Variants in CDH23 observed in about 807,000 individuals in gnomAD.
CDH23 encodes the protein cadherin-23.
A neutral mutation model predicts 317.1 loss-of-function variants in CDH23; 189 were observed. That is an observed-to-expected ratio of 0.60 (90% CI 0.53 to 0.67). CDH23 has a LOEUF of 0.67. Among genes scored for constraint, CDH23 ranks in the 30% least tolerant of loss-of-function variants. The pLI, the probability that CDH23 is intolerant of heterozygous loss-of-function variation, is 0.00. For missense variants in CDH23, 4,401 were observed against 4,592.4 expected, an observed-to-expected ratio of 0.96 and a Z score of 1.20; for synonymous variants, 1,839 against 1,876.8, an observed-to-expected ratio of 0.98 and a Z score of 0.52.
At chr10:71,585,695 C>T (rs1859005246) in intron 9 of CDH23, among the ~76,000 whole-genome samples, 2 of 152,236 alleles carry the variant, frequency 1.3e-5, no homozygotes, top group Admixed American at 1.3e-4. Flanking sequence ...CTTCTTCCTT[C>T]CCCCTGATCT....
At chr10:71,541,281 T>C (rs971976152) in intron 6 of CDH23, among the ~76,000 whole-genome samples, 1 of 152,230 alleles carries the variant, frequency 6.6e-6, no homozygotes, top group African/African-American at 2.4e-5. Context: ...ACGCAGCAAT[T>C]ACCCGCTCTG....
intron 3 of CDH23, among the ~76,000 whole-genome samples, chr10:71,462,286 C>T (rs939594460): frequency 6.6e-6 from 1 of 152,214 alleles, no homozygotes; most frequent in Non-Finnish European, 1.5e-5. Flanking sequence ...TTACTCCTGA[C>T]GGCCTTCATT....
chr10:71,628,312 G>T (rs1861844489), intron 11 of CDH23, among the ~76,000 whole-genome samples: 1 of 152,160 alleles, frequency 6.6e-6, no homozygotes, highest in Admixed American at 6.5e-5. Context: ...CCCCGAAAGG[G>T]GAGAATAGTG....
chr10:71,436,318 G>C (rs1169769760), intron 1 of CDH23, among the ~76,000 whole-genome samples: 1 of 152,268 alleles, frequency 6.6e-6, no homozygotes, highest in Non-Finnish European at 1.5e-5. Context: ...AGTGTGCCTG[G>C]CAGTGTTGGA....
Position 71,738,526 on chromosome 10 carries a change from A to T in CDH23, c.4238A>T (p.Asp1413Val). ...KVYITVLDENDNSPRFDFTSD... is the reference protein window; with the variant it reads ...KVYITVLDENVNSPRFDFTSD... ...TACATCACTGTGCTGGACGAGAATG[A>T]CAACAGCCCCCGGTTTGACTTCACC... Residue 1413 changes from aspartate to valine, a missense_variant, in exon 35 of 70, where the codon GAC (aspartate) becomes GTC (valine). By Grantham distance (152) the Asp-to-Val change is radical. Coordinates refer to ENST00000224721, the MANE Select transcript of CDH23 (RefSeq NM_022124.6). 6.2e-7 allele frequency: 1 copy of T among 1,613,978 alleles called. No individual in the cohort carries two copies. Among genetic ancestry groups the T allele is most frequent in the Non-Finnish European group, 8.5e-7 (1 of 1,179,900 alleles).
intron 24 of CDH23, among the ~76,000 whole-genome samples, chr10:71,703,269 C>A (rs756742698): frequency 2.2e-4 from 33 of 152,170 alleles, no homozygotes; most frequent in Non-Finnish European, 4.6e-4. Flanking sequence ...GTTTCAAGTC[C>A]TTTCAACACC....
At chr10:71,747,216 C>T (rs1259651645) in intron 38 of CDH23, among the ~76,000 whole-genome samples, 1 of 152,206 alleles carries the variant, frequency 6.6e-6, no homozygotes, top group Non-Finnish European at 1.5e-5. Flanking sequence ...TCCCCATCCC[C>T]TAATGCAAGC....
At chr10:71,652,295 C>T (rs1863212371) in intron 14 of CDH23, among the ~76,000 whole-genome samples, 1 of 152,228 alleles carries the variant, frequency 6.6e-6, no homozygotes, top group Non-Finnish European at 1.5e-5. Flanking sequence ...GGCAGGGCCA[C>T]AAGACATCCA....
intron 1 of CDH23, among the ~76,000 whole-genome samples, chr10:71,407,896 A>G (rs1025645552): frequency 6.6e-6 from 1 of 152,132 alleles, no homozygotes; most frequent in Non-Finnish European, 1.5e-5. Context: ...AAAATAGGGG[A>G]AAAATCCCCT....
At chr10:71,727,766 A>G (rs1052900866) in intron 30 of CDH23, among the ~76,000 whole-genome samples, 3 of 152,220 alleles carry the variant, frequency 2.0e-5, no homozygotes, top group Non-Finnish European at 4.4e-5. Context: ...AAAGCACTGC[A>G]CTGGCACAGC....
intron 3 of CDH23, among the ~76,000 whole-genome samples, chr10:71,466,179 G>A (rs566040138): frequency 1.4e-4 from 21 of 152,330 alleles, no homozygotes; most frequent in East Asian, 5.8e-4. Flanking sequence ...GTATGTGCCC[G>A]TCTGTGTGTG....
rs769234595 is a variant in CDH23 at position 71,815,025 on chromosome 10, A to G, written c.9812A>G (p.Lys3271Arg). 1.9e-6 allele frequency: 3 copies of G among 1,612,614 alleles called. No homozygotes were observed. The African/African-American group carries it at 4.0e-5, about 22-fold the overall frequency. ...PGQGSLRFRH[K>R]PPVELKGPDG... ...CAGGGTAGCCTGCGCTTCCGCCACAAGCCACCAGTGGAGCTCAAGGGGCCC... is the reference window on the plus strand; with the variant it reads ...CAGGGTAGCCTGCGCTTCCGCCACAGGCCACCAGTGGAGCTCAAGGGGCCC... Residue 3271 changes from lysine to arginine, a missense_variant, in exon 70 of 70, where the codon AAG (lysine) becomes AGG (arginine). Lys to Arg is a conservative substitution (Grantham distance 26, BLOSUM62 2). Coordinates refer to ENST00000224721, the MANE Select transcript of CDH23 (RefSeq NM_022124.6).
At position 71,572,193 on chromosome 10, in the gene CDH23, G is replaced by A. The variant is rs541108134; in HGVS notation, c.753+1275G>A. Reference sequence around the variant, plus strand: ...CCAGCCTTCTCTTTCTTAGCATTCCGTGGGCAGTGGGAGCCCCTGCTTTTG... The same window carrying A: ...CCAGCCTTCTCTTTCTTAGCATTCCATGGGCAGTGGGAGCCCCTGCTTTTG... On this transcript the variant is annotated intron_variant, in intron 8 of 69. Transcript: ENST00000224721. Among the ~76,000 whole-genome samples the A allele has an allele frequency of 2.0e-4, 31 of 152,326 alleles. No homozygotes were observed. In the South Asian group the frequency reaches 2.9e-3, roughly 14 times the overall value.
intron 10 of CDH23, among the ~76,000 whole-genome samples, chr10:71,616,749 C>T (rs1395034933): frequency 6.6e-6 from 1 of 152,240 alleles, no homozygotes; most frequent in Non-Finnish European, 1.5e-5. Context: ...TCCATCTGTG[C>T]TGACCCTCAG....
chr10:71,569,112 G>A (rs1368739085), intron 7 of CDH23, among the ~76,000 whole-genome samples: 2 of 152,208 alleles, frequency 1.3e-5, no homozygotes, highest in Admixed American at 6.5e-5. Context: ...CATGGGCAGT[G>A]CCCAAGCCTG....
chr10:71,706,131 C>T (rs952925177), intron 25 of CDH23, among the ~76,000 whole-genome samples: 1 of 152,106 alleles, frequency 6.6e-6, no homozygotes, highest in African/African-American at 2.4e-5. Flanking sequence ...ATCAAATGGG[C>T]CCAGGATCTC....
At chr10:71,675,256 T>C in intron 15 of CDH23, 80 bp downstream of exon 15, 4 of 1,239,960 alleles carry the variant, frequency 3.2e-6, no homozygotes, top group Non-Finnish European at 4.7e-6. Context: ...CTGGGAACTT[T>C]TCAGTGCCCA....
rs752326120 is a variant in CDH23 at position 71,802,982 on chromosome 10, C to T, written c.7567C>T (p.Pro2523Ser). 5.0e-6 allele frequency: 8 copies of T among 1,613,988 alleles called. No homozygotes were observed. Among genetic ancestry groups the T allele is most frequent in the Non-Finnish European group, 6.8e-6 (8 of 1,179,878 alleles). The part of the protein sequence containing the change: ...QFSTSVYENE[P>S]AGTSVITMMA... ...CAGCACAAGCGTGTATGAGAATGAGCCGGCGGGCACCTCGGTCATCACCAT... is the reference window on the plus strand; with the variant it reads ...CAGCACAAGCGTGTATGAGAATGAGTCGGCGGGCACCTCGGTCATCACCAT... Residue 2523 changes from proline to serine, a missense_variant, in exon 54 of 70, where the codon CCG becomes TCG. This residue lies in a region of CDH23 where 189 missense variants were observed against 250.9 expected (regional missense o/e 0.75). Transcript: ENST00000224721.
intron 3 of CDH23, among the ~76,000 whole-genome samples, chr10:71,497,237 G>T (rs182469749): frequency 2.0e-5 from 3 of 152,106 alleles, no homozygotes; most frequent in Non-Finnish European, 4.4e-5. Flanking sequence ...TCAATTTGCC[G>T]TCATTTTTCA....
Sources: allele counts gnomAD v4.1 joint callset (sites outside exome capture counted in the v4.1 genomes callset), GRCh38; gene constraint gnomAD v4.1.1; regional missense constraint gnomAD v4.1.1; transcripts MANE v1.5; gene names NCBI Gene and HGNC (gene_info 2026-07-23, HGNC 2026-07-21).